MAGI2: variants seen among roughly 807,000 people sequenced by gnomAD.
MAGI2 encodes the protein membrane-associated guanylate kinase, WW and PDZ domain-containing protein 2.
MAGI2 carries 35 observed loss-of-function variants against 133.3 expected under a neutral mutation model. The ratio of observed to expected loss-of-function variants is 0.26; its 90% CI spans 0.20 to 0.35. The LOEUF is 0.35. MAGI2 is among the 10% of genes least tolerant of loss of function. MAGI2 has a pLI of 1.00. For synonymous variants in MAGI2, 729 were observed against 710.6 expected, an observed-to-expected ratio of 1.03 and a Z score of -0.41; for missense variants, 1,636 against 1,863.4, an observed-to-expected ratio of 0.88 and a Z score of 2.25.
chr7:78,567,393 TACACAC>T (rs34795351), intron 3 of MAGI2, among the ~76,000 whole-genome samples: 9 of 148,240 alleles, frequency 6.1e-5, no homozygotes, highest in South Asian at 2.1e-4. Context: ...GCCTACACAC[TACACAC>T]ACACACACAC....
At chr7:78,686,234 C>A (rs1384963176) in intron 2 of MAGI2, among the ~76,000 whole-genome samples, 2 of 151,872 alleles carry the variant, frequency 1.3e-5, no homozygotes, top group African/African-American at 4.8e-5. Flanking sequence ...CGAGATTTAA[C>A]TAGGCACCTT....
intron 2 of MAGI2, among the ~76,000 whole-genome samples, chr7:78,974,375 G>A (rs1471464370): frequency 2.6e-5 from 4 of 151,786 alleles, no homozygotes; most frequent in African/African-American, 9.7e-5. Context: ...CTTAGACACT[G>A]AAAGATCTAT....
intron 4 of MAGI2, among the ~76,000 whole-genome samples, chr7:78,517,614 T>C (rs1796149336): frequency 6.6e-6 from 1 of 152,220 alleles, no homozygotes; most frequent in Non-Finnish European, 1.5e-5. Flanking sequence ...AGAGTGGCCA[T>C]TATTATTTAT....
chr7:78,337,954 G>A (rs1789948150), intron 9 of MAGI2, among the ~76,000 whole-genome samples: 1 of 151,814 alleles, frequency 6.6e-6, no homozygotes, highest in Admixed American at 6.6e-5. Context: ...CCTGTTATTT[G>A]CCCAGCGCTG....
chr7:78,954,693 C>T (rs895637969), intron 2 of MAGI2, among the ~76,000 whole-genome samples: 10 of 152,134 alleles, frequency 6.6e-5, no homozygotes, highest in African/African-American at 2.4e-4. Flanking sequence ...CTGCATACTG[C>T]ATAACATTTA....
At chr7:78,568,887 T>C (rs985534700) in intron 3 of MAGI2, among the ~76,000 whole-genome samples, 1 of 152,208 alleles carries the variant, frequency 6.6e-6, no homozygotes, top group African/African-American at 2.4e-5. Context: ...TGAGTCTCTC[T>C]TTTATTTCCT....
chr7:78,738,319 T>C (rs1822068395), intron 2 of MAGI2, among the ~76,000 whole-genome samples: 1 of 152,144 alleles, frequency 6.6e-6, no homozygotes, highest in African/African-American at 2.4e-5. Flanking sequence ...TGAAAATCTG[T>C]TCTTTTACTT....
chr7:78,702,614 G>C (rs558440711), intron 2 of MAGI2, among the ~76,000 whole-genome samples: 2 of 152,026 alleles, frequency 1.3e-5, no homozygotes, highest in South Asian at 4.2e-4. Flanking sequence ...TATCTGCTAT[G>C]GTCATTAAAG....
chr7:79,340,967 T>C (rs901532468), intron 1 of MAGI2, among the ~76,000 whole-genome samples: 7 of 152,136 alleles, frequency 4.6e-5, no homozygotes, highest in Non-Finnish European at 8.8e-5. Flanking sequence ...TCCTTGGAAG[T>C]TAGAACCTAC....
intron 6 of MAGI2, among the ~76,000 whole-genome samples, chr7:78,418,709 A>G (rs1415869246): frequency 6.6e-6 from 1 of 152,158 alleles, no homozygotes; most frequent in Non-Finnish European, 1.5e-5. Context: ...GCTGATGATT[A>G]CTGTTTGATG....
intron 6 of MAGI2, among the ~76,000 whole-genome samples, chr7:78,454,957 A>G (rs1789148895): frequency 6.6e-6 from 1 of 152,144 alleles, no homozygotes; most frequent in Non-Finnish European, 1.5e-5. Flanking sequence ...GGGCATTGAA[A>G]CTATATTCTG....
chr7:78,900,194 A>T (rs1797515626), intron 2 of MAGI2, among the ~76,000 whole-genome samples: 1 of 152,094 alleles, frequency 6.6e-6, no homozygotes, highest in Non-Finnish European at 1.5e-5. Context: ...ATGGACCCTT[A>T]CTCACTAGTG....
chr7:79,192,643 CAAG>C (rs1827772809), intron 1 of MAGI2, among the ~76,000 whole-genome samples: 1 of 151,592 alleles, frequency 6.6e-6, no homozygotes, highest in African/African-American at 2.4e-5. Flanking sequence ...TAGGAAAATA[CAAG>C]AAGGGTGGTG....
chr7:79,218,557 C>T (rs1181722528), intron 1 of MAGI2, among the ~76,000 whole-genome samples: 1 of 151,984 alleles, frequency 6.6e-6, no homozygotes, highest in African/African-American at 2.4e-5. Flanking sequence ...TATTACTGTA[C>T]CATTTGCACA....
At chr7:78,481,421 T>C (rs899269733) in intron 6 of MAGI2, among the ~76,000 whole-genome samples, 17 of 151,948 alleles carry the variant, frequency 1.1e-4, no homozygotes, top group African/African-American at 3.6e-4. Flanking sequence ...AATTCAGTCA[T>C]TTCCCTCTCT....
At chr7:78,936,499 T>C (rs1800529961) in intron 2 of MAGI2, among the ~76,000 whole-genome samples, 1 of 152,038 alleles carries the variant, frequency 6.6e-6, no homozygotes, top group African/African-American at 2.4e-5. Flanking sequence ...ATATGTACTT[T>C]TGGCATTAAA....
chr7:78,224,206 A>G (rs1852007), intron 10 of MAGI2, among the ~76,000 whole-genome samples: 135,609 of 152,266 alleles, frequency 0.89, 60,541 homozygotes, highest in Admixed American at 0.93. Flanking sequence ...ACAATGTAGA[A>G]TTTATGCAGA....
intron 20 of MAGI2, among the ~76,000 whole-genome samples, chr7:78,121,036 CAT>C (rs1289410480): frequency 1.4e-5 from 2 of 146,270 alleles, no homozygotes; most frequent in East Asian, 3.9e-4. Context: ...GATGCTGTGA[CAT>C]GTGGTTATCC....
intron 10 of MAGI2, among the ~76,000 whole-genome samples, chr7:78,236,667 C>T (rs1291671773): frequency 6.6e-6 from 1 of 152,058 alleles, no homozygotes; most frequent in Non-Finnish European, 1.5e-5. Context: ...TTTAGGTGTG[C>T]ATTTAAGGTG....
Sources: allele counts gnomAD v4.1 joint callset (sites outside exome capture counted in the v4.1 genomes callset), GRCh38; gene constraint gnomAD v4.1.1; transcripts MANE v1.5; gene names NCBI Gene and HGNC (gene_info 2026-07-23, HGNC 2026-07-21).